Variants in ERC2 observed in about 807,000 individuals in gnomAD.
The protein encoded by ERC2 is ELKS/RAB6-interacting/CAST family member 2.
ERC2 carries 42 observed loss-of-function variants against 114.8 expected under a neutral mutation model. That is an observed-to-expected ratio of 0.37 (90% CI 0.29 to 0.47). ERC2 has a LOEUF of 0.47. Among genes scored for constraint, ERC2 ranks in the 20% least tolerant of loss-of-function variants. The probability of loss-of-function intolerance (pLI) is 0.99; values close to 1 mark genes in which losing one functional copy is unlikely to be tolerated. For synonymous variants in ERC2, 454 were observed against 425.5 expected, an observed-to-expected ratio of 1.07 and a Z score of -0.82; for missense variants, 939 against 1,150.7, an observed-to-expected ratio of 0.82 and a Z score of 2.66.
At chr3:56,182,945 C>T (rs2083364801) in intron 3 of ERC2, among the ~76,000 whole-genome samples, 1 of 152,050 alleles carries the variant, frequency 6.6e-6, no homozygotes, top group African/African-American at 2.4e-5. Context: ...GGTTGGCACA[C>T]AGAAGAAGTG....
In ERC2 at chr3:55,792,429, A is replaced by T. The variant is rs1205086058; in HGVS notation, c.2565-57511T>A. Among the ~76,000 whole-genome samples the T allele has an allele frequency of 3.9e-5, 6 of 152,312 alleles. No homozygotes were observed. The East Asian group carries it at 1.2e-3, about 29-fold the overall frequency. ...AAAGCCATTATCTTATTAATATATAATTTTATTGTTGACAAATGTTTATTT... is the reference window on the plus strand; with the variant it reads ...AAAGCCATTATCTTATTAATATATATTTTTATTGTTGACAAATGTTTATTT... On this transcript the variant is annotated intron_variant, in intron 14 of 17. Transcript: ENST00000288221.
intron 3 of ERC2, among the ~76,000 whole-genome samples, chr3:56,213,442 G>C (rs898443288): frequency 1.3e-5 from 2 of 152,222 alleles, no homozygotes; most frequent in South Asian, 4.1e-4. Context: ...TGAGATCAAA[G>C]TGCAAGTGGG....
At chr3:56,300,280 C>T (rs953945298) in intron 2 of ERC2, among the ~76,000 whole-genome samples, 20 of 93,212 alleles carry the variant, frequency 2.1e-4, no homozygotes, top group African/African-American at 8.5e-4. Context: ...TCATGAAATA[C>T]AAAAAAAAAA....
At chr3:55,723,251 A>G (rs974457904) in intron 15 of ERC2, among the ~76,000 whole-genome samples, 3 of 152,236 alleles carry the variant, frequency 2.0e-5, no homozygotes, top group African/African-American at 7.2e-5. Context: ...TATGTAGACA[A>G]TGGAATGTAG....
At chr3:55,796,830 T>C (rs1048484122) in intron 14 of ERC2, among the ~76,000 whole-genome samples, 2 of 152,238 alleles carry the variant, frequency 1.3e-5, no homozygotes, top group African/African-American at 4.8e-5. Flanking sequence ...CTAATATATT[T>C]ACTATCTGGC....
chr3:56,158,333 T>G (rs944179286), intron 4 of ERC2, among the ~76,000 whole-genome samples: 9 of 152,314 alleles, frequency 5.9e-5, no homozygotes, highest in South Asian at 2.1e-4. Flanking sequence ...TCCACTGTTT[T>G]CTCCTTTCAA....
intron 17 of ERC2, among the ~76,000 whole-genome samples, chr3:55,677,301 G>T (rs535161993): frequency 1.3e-5 from 2 of 152,272 alleles, no homozygotes; most frequent in South Asian, 2.1e-4. Flanking sequence ...ACTGGAGAGG[G>T]TATGTTTATA....
chr3:55,960,716 G>A (rs2068297779), intron 12 of ERC2, among the ~76,000 whole-genome samples: 2 of 152,190 alleles, frequency 1.3e-5, no homozygotes, highest in South Asian at 4.1e-4. Context: ...TGTCCAAGTT[G>A]GACGAGGATG....
intron 15 of ERC2, among the ~76,000 whole-genome samples, chr3:55,702,099 A>G (rs888482761): frequency 6.6e-6 from 1 of 152,232 alleles, no homozygotes; most frequent in African/African-American, 2.4e-5. Flanking sequence ...TTTGAACTGT[A>G]TCCCATAAAA....
At chr3:55,711,948 T>C (rs768989142) in intron 15 of ERC2, among the ~76,000 whole-genome samples, 25 of 152,228 alleles carry the variant, frequency 1.6e-4, no homozygotes, top group Non-Finnish European at 3.1e-4. Flanking sequence ...TCAATCAACA[T>C]CCAGCCTGTA....
chr3:55,952,167 ACACACACACACACTCTCTCTCTCT>A (rs2067586855), intron 12 of ERC2, among the ~76,000 whole-genome samples: 1 of 68,438 alleles, frequency 1.5e-5, no homozygotes, highest in African/African-American at 4.9e-5. Flanking sequence ...ACACACACAC[ACACACACACACACTCTCTCTCTCT>A]CTCTCTCTAT....
chr3:56,309,391 C>A (rs990032034), intron 2 of ERC2, among the ~76,000 whole-genome samples: 2 of 152,186 alleles, frequency 1.3e-5, no homozygotes, highest in Non-Finnish European at 2.9e-5. Flanking sequence ...TGCTTTTGTA[C>A]ACAAAGAGGA....
chr3:55,882,553 G>C (rs1487159252), intron 14 of ERC2, among the ~76,000 whole-genome samples: 1 of 152,170 alleles, frequency 6.6e-6, no homozygotes, highest in Admixed American at 6.5e-5. Context: ...CATTTGCACT[G>C]AACATGTACA....
intron 14 of ERC2, among the ~76,000 whole-genome samples, chr3:55,785,715 C>T (rs17055975): frequency 0.076 from 11,585 of 152,242 alleles, 761 homozygotes; most frequent in African/African-American, 0.18. Context: ...TACTTGGGGT[C>T]GATTCTCTTG....
intron 3 of ERC2, among the ~76,000 whole-genome samples, chr3:56,195,500 C>CGTGTGTGTGTGTGT (rs112067114): frequency 4.5e-3 from 676 of 150,012 alleles, no homozygotes; most frequent in Non-Finnish European, 6.4e-3. Flanking sequence ...TGCGTGTGTG[C>CGTGTGTGTGTGTGT]GTGTGTGTGT....
At chr3:56,358,152 T>C (rs2058814968) in intron 2 of ERC2, among the ~76,000 whole-genome samples, 1 of 152,162 alleles carries the variant, frequency 6.6e-6, no homozygotes, top group African/African-American at 2.4e-5. Context: ...TGGAATGAAC[T>C]TGAACCTTAG....
intron 13 of ERC2, among the ~76,000 whole-genome samples, chr3:55,943,458 G>GC (rs1559908721): frequency 6.7e-6 from 1 of 149,534 alleles, no homozygotes; most frequent in East Asian, 2.0e-4. Context: ...CTGAGGAAGC[G>GC]TTTTTTTTTT....
At chr3:55,601,669 G>C (rs538269993) in intron 17 of ERC2, among the ~76,000 whole-genome samples, 13 of 152,308 alleles carry the variant, frequency 8.5e-5, no homozygotes, top group African/African-American at 2.9e-4. Flanking sequence ...AATAAGAGAA[G>C]GATAAAGAGC....
chr3:55,550,888 T>C (rs150281501), intron 17 of ERC2, among the ~76,000 whole-genome samples: 8,579 of 151,476 alleles, frequency 0.057, 326 homozygotes, highest in Middle Eastern at 0.075. Context: ...TGGTGGTGGG[T>C]GCCTGTAGTC....
Sources: gnomAD v4.1 joint callset for allele counts (sites outside exome capture counted in the v4.1 genomes callset) on GRCh38, gnomAD v4.1.1 for gene constraint, MANE v1.5 for transcripts, NCBI Gene and HGNC (gene_info 2026-07-23, HGNC 2026-07-21) for gene names.